SUGP1: variants seen among roughly 807,000 people sequenced by gnomAD.
The protein encoded by SUGP1 is SURP and G-patch domain containing 1, also known as SURP and G-patch domain-containing protein 1.
A neutral mutation model predicts 76.5 loss-of-function variants in SUGP1; 34 were observed. The observed-to-expected ratio is 0.44, with a 90% CI of 0.34 to 0.59. SUGP1 has a LOEUF of 0.59. SUGP1 is among the 20% of genes least tolerant of loss of function. SUGP1 has a pLI of 0.01. For synonymous variants in SUGP1, 326 were observed against 326.2 expected, an observed-to-expected ratio of 1.00 and a Z score of 0.01; for missense variants, 752 against 851.7, an observed-to-expected ratio of 0.88 and a Z score of 1.46.
intron 8 of SUGP1, among the ~76,000 whole-genome samples, chr19:19,282,614 A>G (rs1288189741): frequency 2.0e-5 from 3 of 152,044 alleles, no homozygotes; most frequent in African/African-American, 7.2e-5. Flanking sequence ...GCACACCTAC[A>G]CTAGATATTA....
chr19:19,307,676 T>C (rs75579054), intron 3 of SUGP1, among the ~76,000 whole-genome samples: 2 of 152,066 alleles, frequency 1.3e-5, no homozygotes, highest in African/African-American at 4.8e-5. Flanking sequence ...TTTTTCTTTT[T>C]GAGACTTAGT....
At chr19:19,295,153 G>T (rs2061215343) in intron 8 of SUGP1, among the ~76,000 whole-genome samples, 1 of 151,860 alleles carries the variant, frequency 6.6e-6, no homozygotes, top group African/African-American at 2.4e-5. Flanking sequence ...GGCAAGGCTG[G>T]GCCTGGTGGC....
At chr19:19,301,279 C>G (rs1391086858) in intron 7 of SUGP1, among the ~76,000 whole-genome samples, 1 of 152,134 alleles carries the variant, frequency 6.6e-6, no homozygotes, top group Non-Finnish European at 1.5e-5. Flanking sequence ...CAGACTGGGG[C>G]ACACCTGAAT....
rs373135660 is a variant in SUGP1, at chr19:19,302,366, C to T, written c.786G>A (p.Glu262=). 3.3e-5 allele frequency: 54 copies of T among 1,614,050 alleles called. No individual in the cohort carries two copies. The highest frequency in any genetic ancestry group is 6.7e-5 in the African/African-American group (5 of 74,922). Residue 262 remains glutamate (E), a synonymous_variant, in exon 7 of 14, where the codon GAG becomes GAA. Coordinates refer to ENST00000247001, the MANE Select transcript of SUGP1 (RefSeq NM_172231.4). ...CCAACTTTTCTGCAAGGTTCTTGAC[C>T]TCTTCGTCCTCTGGGGGTGAAACTT... ...SQKVSPPEDE[E]VKNLAEKLAR... is the part of the protein sequence containing the mutation.
intron 4 of SUGP1, 176 bp downstream of exon 4, chr19:19,305,673 T>C: frequency 1.7e-6 from 1 of 582,202 alleles, no homozygotes; most frequent in Non-Finnish European, 2.9e-6. Flanking sequence ...GCCCCGCCCC[T>C]CACCCTCCTT....
At chr19:19,319,094 C>G (rs2061416976) in intron 1 of SUGP1, among the ~76,000 whole-genome samples, 1 of 152,032 alleles carries the variant, frequency 6.6e-6, no homozygotes, top group African/African-American at 2.4e-5. Flanking sequence ...CGGTGGCCGG[C>G]GCCTGTAATC....
At chr19:19,278,468 G>A (rs1314386613) in intron 11 of SUGP1, among the ~76,000 whole-genome samples, 1 of 151,960 alleles carries the variant, frequency 6.6e-6, no homozygotes, top group Non-Finnish European at 1.5e-5. Context: ...AATTTCCCCC[G>A]CAGCCCCAGG....
chr19:19,316,484 G>C lies in SUGP1; in HGVS notation c.144C>G (p.Ala48=). 6.2e-7 allele frequency: 1 copy of C among 1,613,818 alleles called. No homozygotes were observed. Among genetic ancestry groups the C allele is most frequent in the Non-Finnish European group, 8.5e-7 (1 of 1,180,000 alleles). Reference sequence around the variant, plus strand: ...TCTGCTTGGCTTTCTGTTCCATTTTGGCTTCAATTTCCCGTTTCTTCTGAG... The same window carrying C: ...TCTGCTTGGCTTTCTGTTCCATTTTCGCTTCAATTTCCCGTTTCTTCTGAG... ...LIAQKKREIE[A]KMEQKAKQNQ... Residue 48 remains alanine, a synonymous_variant, in exon 2 of 14, where the codon GCC becomes GCG. Transcript: ENST00000247001.
chr19:19,301,825 C>T, intron 7 of SUGP1: 1 of 163,714 alleles, frequency 6.1e-6, no homozygotes, highest in Non-Finnish European at 1.3e-5. Context: ...TGGGTGTTCC[C>T]CCTCCACAGA....
chr19:19,277,130 G>C (rs1599841777), intron 12 of SUGP1, 54 bp from the exon 13 acceptor site: 3 of 1,567,280 alleles, frequency 1.9e-6, no homozygotes, highest in Non-Finnish European at 2.6e-6. Flanking sequence ...TCTGGCCGGG[G>C]GGCCGGGCAC....
intron 1 of SUGP1, 104 bp from the exon 2 acceptor site, chr19:19,316,697 G>A: frequency 8.0e-7 from 1 of 1,250,296 alleles, no homozygotes; most frequent in Non-Finnish European, 1.1e-6. Flanking sequence ...TAATTTATAT[G>A]TCTATTAGTT....
rs368115480 is a variant in SUGP1, at chr19:19,303,711, C to A, written c.662+13G>T. 8 of 1,614,140 alleles carry A rather than the reference C, an allele frequency of 5.0e-6. No individual in the cohort carries two copies. Among genetic ancestry groups the A allele is most frequent in the Non-Finnish European group, 6.8e-6 (8 of 1,180,010 alleles). The stretch of plus-strand genomic sequence containing the variant: ...TTCAACAGCACAGCCTTCCCTTCCC[C>A]GGAGATACTCACGCAAATGCTGGGT... On this transcript the variant is annotated intron_variant, in intron 5 of 13. Coordinates refer to ENST00000247001, the MANE Select transcript of SUGP1 (RefSeq NM_172231.4).
chr19:19,303,376 T>C lies in SUGP1; in HGVS notation c.735A>G (p.Ala245=). ...TCTGAGAGGCTGCCTGCGACTTCTG[T>C]GCTTCCTTTCTTATCTCAGCCACCT... ...RKKVAEIRKE[A]QKSQAASQKV... is the part of the protein sequence containing the mutation. Residue 245 remains alanine, a synonymous_variant, in exon 6 of 14, where the codon GCA becomes GCG. Coordinates refer to ENST00000247001, the MANE Select transcript of SUGP1 (RefSeq NM_172231.4). 6.2e-7 allele frequency: 1 copy of C among 1,614,198 alleles called. No homozygotes were observed. Among genetic ancestry groups the C allele is most frequent in the Admixed American group, 1.7e-5 (1 of 60,014 alleles).
At chr19:19,296,481 T>C (rs868612316) in intron 8 of SUGP1, among the ~76,000 whole-genome samples, 3 of 151,452 alleles carry the variant, frequency 2.0e-5, no homozygotes, top group Admixed American at 2.0e-4. Context: ...CCCATCTCTA[T>C]TAAAAAATAC....
At chr19:19,305,789 G>T in intron 4 of SUGP1, 60 bp downstream of exon 4, 1 of 1,519,784 alleles carries the variant, frequency 6.6e-7, no homozygotes, top group Non-Finnish European at 8.9e-7. Context: ...GCCCACCACA[G>T]ATCCCACCTG....
At position 19,310,215 on chromosome 19, in the gene SUGP1, G is replaced by C. The variant is rs906329101; in HGVS notation, c.207-15C>G. 1 of 1,598,020 alleles carries C rather than the reference G, an allele frequency of 6.3e-7. No homozygotes were observed. The highest frequency in any genetic ancestry group is 1.3e-5 in the African/African-American group (1 of 74,510). On this transcript the variant is annotated splice_polypyrimidine_tract_variant and intron_variant, in intron 2 of 13. Transcript: ENST00000247001. The stretch of plus-strand genomic sequence containing the variant: ...CATTTGTGATTCTAGAACCAAGACA[G>C]AGGACAGAGAGGGTGAGCTGGCTAG...
chr19:19,277,979 T>C (rs2061067173), intron 11 of SUGP1, 100 bp from the exon 12 acceptor site: 2 of 1,408,252 alleles, frequency 1.4e-6, no homozygotes, highest in African/African-American at 1.4e-5. Flanking sequence ...CTGGGACCAG[T>C]GGCCCATCTG....
At chr19:19,295,757 C>T (rs1364944547) in intron 8 of SUGP1, among the ~76,000 whole-genome samples, 1 of 151,992 alleles carries the variant, frequency 6.6e-6, no homozygotes. Flanking sequence ...GTGGTCTCAG[C>T]TACTCAGGAG....
intron 12 of SUGP1, among the ~76,000 whole-genome samples, 178 bp from the exon 13 acceptor site, chr19:19,277,254 G>GT (rs1555787452): frequency 1.3e-5 from 2 of 150,504 alleles, no homozygotes; most frequent in African/African-American, 4.9e-5. Flanking sequence ...GGGCGGGCGG[G>GT]GGGGGGGGGC....
Sources: gnomAD v4.1 joint callset for allele counts (sites outside exome capture counted in the v4.1 genomes callset) on GRCh38, gnomAD v4.1.1 for gene constraint, MANE v1.5 for transcripts, NCBI Gene and HGNC (gene_info 2026-07-23, HGNC 2026-07-21) for gene names.